LMTK3: variants seen among roughly 807,000 people sequenced by gnomAD.
LMTK3 encodes the protein lemur tail kinase 3, also known as serine/threonine-protein kinase LMTK3.
A neutral mutation model predicts 116.7 loss-of-function variants in LMTK3; 27 were observed. That is an observed-to-expected ratio of 0.23 (90% CI 0.17 to 0.32). The LOEUF is 0.32. Ranked by LOEUF, LMTK3 falls within the 10% of genes least tolerant of loss-of-function variation. The pLI, the probability that LMTK3 is intolerant of heterozygous loss-of-function variation, is 1.00. For synonymous variants in LMTK3, 965 were observed against 971.0 expected (o/e 0.99, Z 0.11); for missense variants, 1,764 against 2,068.5 (o/e 0.85, Z 2.86).
In LMTK3 at chr19:48,510,062, C is replaced by A. The variant is rs1972630994; in HGVS notation, c.322G>T (p.Val108Phe). The change falls in exon 3 of 15, where the codon GTC (valine) becomes TTC (phenylalanine). Residue 108 changes from valine to phenylalanine, a missense_variant. Physicochemically the swap from Val to Phe is conservative, Grantham distance 50. Coordinates refer to ENST00000600059, the MANE Select transcript of LMTK3 (RefSeq NM_001388485.1). ...TGCGGGGCAGGCATTGGCAGGGAGACCTCAGCCAGCGGGAGAATGTAGACA... is the reference window on the plus strand; with the variant it reads ...TGCGGGGCAGGCATTGGCAGGGAGAACTCAGCCAGCGGGAGAATGTAGACA... Reference protein sequence around the residue: ...PDVYILPLAEVSLPMPAPQPS... With the variant: ...PDVYILPLAEFSLPMPAPQPS... 1.1e-5 allele frequency: 17 copies of A among 1,613,946 alleles called. No individual in the cohort carries two copies. Among genetic ancestry groups the A allele is most frequent in the Non-Finnish European group, 1.4e-5 (17 of 1,179,870 alleles).
In LMTK3 at chr19:48,511,697, G is replaced by C; in HGVS notation, c.-121C>G. The C allele has an allele frequency of 2.1e-6, 1 of 477,136 alleles. No individual in the cohort carries two copies. Among genetic ancestry groups the C allele is most frequent in the Non-Finnish European group, 3.7e-6 (1 of 267,828 alleles). 29.6% of individuals were successfully genotyped at this position (477,136 alleles called of 1,614,324 possible). A position where few individuals can be genotyped will look rare whatever the true frequency, so the allele number is the denominator to read the frequency against. On this transcript the variant is annotated 5_prime_UTR_variant, in exon 1 of 15. Coordinates refer to ENST00000600059, the MANE Select transcript of LMTK3 (RefSeq NM_001388485.1). ...GGCCTCCTCCCGGCCCAGGAGAGGG[G>C]CAGGAGACGCAGGACAGGGGGAGGG...
At chr19:48,509,921 T>C in intron 3 of LMTK3, 102 bp downstream of exon 3, 1 of 1,333,964 alleles carries the variant, frequency 7.5e-7, no homozygotes, top group Non-Finnish European at 1.0e-6. Flanking sequence ...TCCCATTGGC[T>C]GCCGCTGGTC....
Position 48,491,148 on chromosome 19 carries a change from G to T in LMTK3, c.4326C>A (p.Thr1442=). ...CGGGGGCCCGGGCGGGTGGCCCCGG[G>T]GTCTCCAGCGCAGGCGAGACGGAGA... ...SRFSVSPALE[T]PGPPARAPDA... is the part of the protein sequence containing the mutation. The change falls in exon 14 of 15, where the codon ACC becomes ACA. Residue 1442 remains threonine (T), a synonymous_variant. Transcript: ENST00000600059. The surrounding 1 kb of genome is among the most constrained non-coding windows in gnomAD (Gnocchi z 5.1). 1 of 1,384,298 alleles carries T rather than the reference G, an allele frequency of 7.2e-7. No homozygotes were observed. The allele number at this position is 1,384,298 out of a possible 1,614,324, so 85.8% of individuals were successfully genotyped here. A position where few individuals can be genotyped will look rare whatever the true frequency, so the allele number is the denominator to read the frequency against.
At chr19:48,493,432 C>T in intron 12 of LMTK3, among the ~76,000 whole-genome samples, 1 of 139,366 alleles carries the variant, frequency 7.2e-6, no homozygotes, top group East Asian at 2.0e-4. Context: ...GGTCCCACCC[C>T]AATTCAGCTT....
chr19:48,509,122 G>A (rs973380760), intron 4 of LMTK3, among the ~76,000 whole-genome samples, 153 bp from the exon 5 acceptor site: 1 of 152,200 alleles, frequency 6.6e-6, no homozygotes, highest in Non-Finnish European at 1.5e-5. Flanking sequence ...CAGACATGGG[G>A]TGAGACACTC....
At chr19:48,492,818 T>A (rs1007436651) in intron 12 of LMTK3, among the ~76,000 whole-genome samples, 2 of 151,398 alleles carry the variant, frequency 1.3e-5, no homozygotes, top group Admixed American at 6.6e-5. Context: ...AGACCCACAC[T>A]CTCTCTCCAG....
chr19:48,498,219 C>A lies in LMTK3; in HGVS notation c.2850G>T (p.Gly950=), dbSNP rs372400709. The stretch of plus-strand genomic sequence containing the variant: ...GCACTTTCTCTTCTCTCTCGGGGGA[C>A]CCCAGGGCCCCATTCTCCGCCGCCT... ...EEKAAENGAL[G]SPEREEKVLE... Residue 950 remains glycine, a synonymous_variant, in exon 11 of 15, where the codon GGG becomes GGT. Transcript: ENST00000600059. 2.5e-6 allele frequency: 4 copies of A among 1,613,170 alleles called. No individual in the cohort carries two copies. The highest frequency in any genetic ancestry group is 2.5e-6 in the Non-Finnish European group (3 of 1,179,648).
upstream of LMTK3, chr19:48,513,079 G>A: frequency 7.3e-7 from 1 of 1,364,234 alleles, no homozygotes; most frequent in Non-Finnish European, 1.0e-6. This position sits in a 1 kb window ranked among gnomAD's most constrained non-coding sequence, Gnocchi z 5.6. Context: ...CATACAAAGA[G>A]TCACACACCC....
In LMTK3 at chr19:48,497,578, G is replaced by T; in HGVS notation, c.3491C>A (p.Ala1164Glu). 1 of 1,335,392 alleles carries T rather than the reference G, an allele frequency of 7.5e-7. No homozygotes were observed. 82.7% of individuals were successfully genotyped at this position (1,335,392 alleles called of 1,614,324 possible). Residue 1164 changes from alanine to glutamate, a missense_variant, in exon 11 of 15, where the codon GCG becomes GAG. Physicochemically the swap from Ala to Glu is moderately radical, Grantham distance 107. Transcript: ENST00000600059. This position sits in a 1 kb window ranked among gnomAD's most constrained non-coding sequence, Gnocchi z 5.7. ...PEAQPRRLEPAPPRARPEVAP... is the reference protein window; with the variant it reads ...PEAQPRRLEPEPPRARPEVAP... The stretch of plus-strand genomic sequence containing the variant: ...CACCTCCGGCCTGGCTCTCGGGGGC[G>T]CTGGCTCCAGCCTCCTCGGCTGTGC...
In LMTK3 at chr19:48,511,562, G is replaced by A; in HGVS notation, c.15C>T (p.Gly5=). The change falls in exon 1 of 15, where the codon GGC becomes GGT. Residue 5 remains glycine, a synonymous_variant. Coordinates refer to ENST00000600059, the MANE Select transcript of LMTK3 (RefSeq NM_001388485.1). Reference sequence around the variant, plus strand: ...AGACGGCCGCAAGGAGGATGAGGGCGCCGGGGGCAGGCATCTTGTCGAGGA... The same window carrying A: ...AGACGGCCGCAAGGAGGATGAGGGCACCGGGGGCAGGCATCTTGTCGAGGA... The part of the protein sequence containing the change: MPAP[G]ALILLAAVSA... 4 of 1,438,318 alleles carry A rather than the reference G, an allele frequency of 2.8e-6. No individual in the cohort carries two copies. The highest frequency in any genetic ancestry group is 3.7e-6 in the Non-Finnish European group (4 of 1,082,620). The allele number at this position is 1,438,318 out of a possible 1,614,324, so 89.1% of individuals were successfully genotyped here.
Position 48,511,635 on chromosome 19 carries a change from G to GGGGGGGGGGGGGGGGGGGGGC in LMTK3, c.-60_-59insGCCCCCCCCCCCCCCCCCCCC. The GGGGGGGGGGGGGGGGGGGGGC allele has an allele frequency of 4.2e-6, 2 of 478,650 alleles. No homozygotes were observed. The highest frequency in any genetic ancestry group is 3.7e-6 in the Non-Finnish European group (1 of 271,342). The allele number at this position is 478,650 out of a possible 1,614,324, so 29.7% of individuals were successfully genotyped here. ...GCGGCTGGGGAGGAGGGGGGGGCGG[G>GGGGGGGGGGGGGGGGGGGGGC]CCCTCAGCCCCCAGCCATGGGGACC... On this transcript the variant is annotated 5_prime_UTR_variant, in exon 1 of 15. Transcript: ENST00000600059.
chr19:48,509,409 C>A, intron 4 of LMTK3, 28 bp downstream of exon 4: 1 of 1,545,440 alleles, frequency 6.5e-7, no homozygotes, highest in Non-Finnish European at 8.8e-7. Flanking sequence ...ATCCATGGAG[C>A]CCTGCCTCCC....
At chr19:48,507,057 G>A (rs1972582782) in intron 5 of LMTK3, among the ~76,000 whole-genome samples, 1 of 152,186 alleles carries the variant, frequency 6.6e-6, no homozygotes. Context: ...CTCCCAAAGT[G>A]CTAGGATTAC....
chr19:48,501,190 G>A lies in LMTK3; in HGVS notation c.1002-45C>T, dbSNP rs114536297. On this transcript the variant is annotated intron_variant, in intron 9 of 14. Coordinates refer to ENST00000600059, the MANE Select transcript of LMTK3 (RefSeq NM_001388485.1). ...GTCAGAGCCCAGCCCTGACCCACCC[G>A]GGCCTCATTTTCCCCATCTGTAGAA... 3,117 of 1,604,746 alleles carry A rather than the reference G, an allele frequency of 1.9e-3. 71 individuals carry two copies. In the African/African-American group the frequency reaches 0.037, roughly 19 times the overall value.
rs1972462554 is a variant in LMTK3, at chr19:48,501,351, C to G, written c.933G>C (p.Ala311=). The G allele has an allele frequency of 6.2e-7, 1 of 1,613,244 alleles. No homozygotes were observed. The highest frequency in any genetic ancestry group is 8.5e-7 in the Non-Finnish European group (1 of 1,179,768). ...ERLWIPLRWA[A]PELLGELHGT... ...CGTGGAGCTCCCCGAGGAGCTCGGG[C>G]GCCGCCCAGCGCAGTGGGATCCACA... The change falls in exon 9 of 15, where the codon GCG becomes GCC. Residue 311 remains alanine, a synonymous_variant. Transcript: ENST00000600059.
chr19:48,490,976 G>T, intron 14 of LMTK3, 132 bp downstream of exon 14: 1 of 585,282 alleles, frequency 1.7e-6, no homozygotes, highest in Non-Finnish European at 2.5e-6. Context: ...GGTGTCTGTT[G>T]ACTGAGAGGG....
chr19:48,506,212 A>G (rs1340297225), intron 5 of LMTK3, among the ~76,000 whole-genome samples: 3 of 151,838 alleles, frequency 2.0e-5, no homozygotes, highest in Admixed American at 6.6e-5. Context: ...AGGCTGAGGC[A>G]GGAGGATCAC....
rs759906513 is a variant in LMTK3, at chr19:48,491,113, G to A, written c.4361C>T (p.Pro1454Leu). The A allele has an allele frequency of 7.3e-7, 1 of 1,370,466 alleles. No individual in the cohort carries two copies. The highest frequency in any genetic ancestry group is 2.8e-5 in the East Asian group (1 of 35,166). The allele number at this position is 1,370,466 out of a possible 1,614,324, so 84.9% of individuals were successfully genotyped here. A position where few individuals can be genotyped will look rare whatever the true frequency, so the allele number is the denominator to read the frequency against. Residue 1454 changes from proline (P) to leucine (L), a missense_variant, in exon 14 of 15, where the codon CCC (proline) becomes CTC (leucine). Physicochemically the swap from Pro to Leu is moderately conservative, Grantham distance 98. This residue lies in a region of LMTK3 where 281 missense variants were observed against 301.4 expected (regional missense o/e 0.93). Transcript: ENST00000600059. The surrounding 1 kb of genome is among the most constrained non-coding windows in gnomAD (Gnocchi z 5.1). ...GPPARAPDARPAGPVEN is the reference protein window; with the variant it reads ...GPPARAPDARLAGPVEN Reference sequence around the variant, plus strand: ...CAGGGCCGAGGATATGGTACCTGCGGGCCGGGCGTCGGGGGCCCGGGCGGG... The same window carrying A: ...CAGGGCCGAGGATATGGTACCTGCGAGCCGGGCGTCGGGGGCCCGGGCGGG...
chr19:48,499,707 C>T lies in LMTK3; in HGVS notation c.1362G>A (p.Leu454=), dbSNP rs371440270. The T allele has an allele frequency of 1.0e-4, 160 of 1,526,780 alleles. 2 individuals carry two copies. In the South Asian group the frequency reaches 1.7e-3, roughly 16 times the overall value. The allele number at this position is 1,526,780 out of a possible 1,614,324, so 94.6% of individuals were successfully genotyped here. A position where few individuals can be genotyped will look rare whatever the true frequency, so the allele number is the denominator to read the frequency against. Residue 454 remains leucine (L), a synonymous_variant, in exon 11 of 15, where the codon CTG becomes CTA. Coordinates refer to ENST00000600059, the MANE Select transcript of LMTK3 (RefSeq NM_001388485.1). ...CGGGGTCGGCTCCAGGGAAGCCATC[C>T]AGTAGGGGGAACGGTGAGGAGAGGG... ...PGTLSSPFPL[L]DGFPGADPDD... is the part of the protein sequence containing the mutation.
Sources: gnomAD v4.1 joint callset for allele counts (sites outside exome capture counted in the v4.1 genomes callset) on GRCh38, gnomAD v4.1.1 for gene constraint, gnomAD v4.1.1 regional missense constraint, Gnocchi (gnomAD v3.1) non-coding constraint, MANE v1.5 for transcripts, NCBI Gene and HGNC (gene_info 2026-07-23, HGNC 2026-07-21) for gene names.